PLEKHG7: variants seen among roughly 807,000 people sequenced by gnomAD.
PLEKHG7 encodes pleckstrin homology domain-containing family G member 7.
In PLEKHG7, 77 loss-of-function variants were observed where a neutral mutation model predicts 85.2. The observed-to-expected ratio is 0.90, with a 90% CI of 0.75 to 1.09. The LOEUF (loss-of-function observed/expected upper bound fraction) is 1.09. Among genes scored for constraint, PLEKHG7 ranks in the 50% least tolerant of loss-of-function variants. The pLI is 0.00. For missense variants in PLEKHG7, 777 were observed against 804.3 expected (o/e 0.97, Z 0.41); for synonymous variants, 301 against 302.4 (o/e 1.00, Z 0.05).
At chr12:92,747,524 A>T (rs972929627) in intron 10 of PLEKHG7, among the ~76,000 whole-genome samples, 3 of 152,234 alleles carry the variant, frequency 2.0e-5, no homozygotes, top group Non-Finnish European at 4.4e-5. Flanking sequence ...AACTAAAAAT[A>T]AAACTACCAT....
chr12:92,745,389 A>ACTATGTTGGCCAGGCTGGTCTTGAAATAC, intron 9 of PLEKHG7, 89 bp from the exon 10 acceptor site: 1 of 855,448 alleles, frequency 1.2e-6, no homozygotes, highest in African/African-American at 1.9e-5. Context: ...TGTTCTAGTT[A>ACTATGTTGGCCAGGCTGGTCTTGAAATAC]ATGATAAAAG....
rs550671574 is a variant in PLEKHG7 at position 92,763,810 on chromosome 12, C to A, written c.1717-231C>A. On this transcript the variant is annotated intron_variant, in intron 14 of 16. Transcript: ENST00000344636. ...CTCCAGCCTGGGTGACAGAGTGAGA[C>A]CCTGTCTCAAGAAAAAAAATTTTAT... 4.6e-5 allele frequency among the ~76,000 whole-genome samples: 7 copies of A among 151,902 alleles called. No individual in the cohort carries two copies. In the East Asian group the frequency reaches 1.4e-3, roughly 29 times the overall value.
At position 92,706,622 on chromosome 12, in the gene PLEKHG7, TCTTAG is replaced by T. The variant is rs1871233984; in HGVS notation, c.-6_-2del. 1 of 1,597,638 alleles carries T rather than the reference TCTTAG, an allele frequency of 6.3e-7. No homozygotes were observed. The highest frequency in any genetic ancestry group is 8.5e-7 in the Non-Finnish European group (1 of 1,172,380). ...GGAACCTTCTACCAACAGTAGAACCTCTTAGCTTTATGGAGAAAACAGAGTCATTC... is the reference window on the plus strand; with the variant it reads ...GGAACCTTCTACCAACAGTAGAACCTCTTTATGGAGAAAACAGAGTCATTC... On this transcript the variant is annotated 5_prime_UTR_variant, in exon 2 of 17. Coordinates refer to ENST00000344636, the MANE Select transcript of PLEKHG7 (RefSeq NM_001377329.1).
chr12:92,716,137 C>T (rs1261996709), intron 3 of PLEKHG7, among the ~76,000 whole-genome samples: 1 of 152,010 alleles, frequency 6.6e-6, no homozygotes, highest in Non-Finnish European at 1.5e-5. Context: ...TGCTCTGTCA[C>T]TCAGGCTGGA....
chr12:92,761,509 T>C (rs998058115), intron 13 of PLEKHG7, among the ~76,000 whole-genome samples: 11 of 149,844 alleles, frequency 7.3e-5, no homozygotes, highest in African/African-American at 2.7e-4. Context: ...ACTCACCCAG[T>C]TTTGTTTTCT....
At chr12:92,717,174 T>C (rs974503654) in intron 3 of PLEKHG7, among the ~76,000 whole-genome samples, 2 of 152,220 alleles carry the variant, frequency 1.3e-5, no homozygotes, top group Non-Finnish European at 2.9e-5. Flanking sequence ...TATAAGACTA[T>C]AGACTAACCT....
At chr12:92,729,879 C>T (rs1871933524) in intron 4 of PLEKHG7, among the ~76,000 whole-genome samples, 2 of 152,256 alleles carry the variant, frequency 1.3e-5, no homozygotes, top group Admixed American at 6.5e-5. Flanking sequence ...TCCAAGGCAT[C>T]CCCAGGAGTC....
At chr12:92,754,673 C>T (rs999948160) in intron 11 of PLEKHG7, among the ~76,000 whole-genome samples, 5 of 152,092 alleles carry the variant, frequency 3.3e-5, no homozygotes, top group African/African-American at 4.8e-5. Flanking sequence ...CTTAAATCAC[C>T]GAAAGCCAGG....
rs572964963 is a variant in PLEKHG7 at position 92,703,004 on chromosome 12, C to T, written c.-290C>T. ...GGTTGCTTTCACTCAGCCAGGAGGA[C>T]GCATTGTTACAGGTGTGGAACTTGT... is the stretch of plus-strand genomic sequence containing the variant. On this transcript the variant is annotated 5_prime_UTR_variant, in exon 1 of 17. In the 5' UTR this introduces an upstream ATG that the reference lacks. Coordinates refer to ENST00000344636, the MANE Select transcript of PLEKHG7 (RefSeq NM_001377329.1). The T allele has an allele frequency of 7.9e-5, 12 of 152,312 alleles. No individual in the cohort carries two copies. Among genetic ancestry groups the T allele is most frequent in the African/African-American group, 2.4e-4 (10 of 41,538 alleles). 9.4% of individuals were successfully genotyped at this position (152,312 alleles called of 1,614,324 possible). A position where few individuals can be genotyped will look rare whatever the true frequency, so the allele number is the denominator to read the frequency against.
In PLEKHG7 at chr12:92,740,609, G is replaced by A. The variant is rs576625154; in HGVS notation, c.940-244G>A. On this transcript the variant is annotated intron_variant, in intron 7 of 16. Coordinates refer to ENST00000344636, the MANE Select transcript of PLEKHG7 (RefSeq NM_001377329.1). ...CCATTTGGACAGATTATGTTCAATAGGAATGTTGTTAGAATTCACATAAGC... is the reference window on the plus strand; with the variant it reads ...CCATTTGGACAGATTATGTTCAATAAGAATGTTGTTAGAATTCACATAAGC... 5.9e-5 allele frequency among the ~76,000 whole-genome samples: 9 copies of A among 152,270 alleles called. No homozygotes were observed. The South Asian group carries it at 1.7e-3, about 28-fold the overall frequency.
At chr12:92,770,009 A>G (rs1166855668) in intron 16 of PLEKHG7, 79 bp from the exon 17 acceptor site, 1 of 933,400 alleles carries the variant, frequency 1.1e-6, no homozygotes, top group East Asian at 2.6e-5. Context: ...ATAGCAGAAA[A>G]TATTAGCCCA....
At chr12:92,737,617 G>C (rs1872198318) in intron 7 of PLEKHG7, 96 bp downstream of exon 7, 7 of 1,208,510 alleles carry the variant, frequency 5.8e-6, no homozygotes, top group Non-Finnish European at 8.1e-6. Context: ...AGAAAAGAAA[G>C]AGAGAAAAGA....
chr12:92,740,423 T>C (rs1872317824), intron 7 of PLEKHG7, among the ~76,000 whole-genome samples: 1 of 152,248 alleles, frequency 6.6e-6, no homozygotes, highest in African/African-American at 2.4e-5. Context: ...ACTCATTAAA[T>C]ATCTACTTTT....
intron 13 of PLEKHG7, among the ~76,000 whole-genome samples, chr12:92,760,516 A>G (rs1705868669): frequency 6.6e-6 from 1 of 152,098 alleles, no homozygotes; most frequent in African/African-American, 2.4e-5. Flanking sequence ...AACTTCTAGA[A>G]CAATATATAT....
rs1258636734 is a variant in PLEKHG7 at position 92,755,895 on chromosome 12, G to T, written c.1497G>T (p.Val499=). 5 of 1,613,502 alleles carry T rather than the reference G, an allele frequency of 3.1e-6. No individual in the cohort carries two copies. Among genetic ancestry groups the T allele is most frequent in the Non-Finnish European group, 3.4e-6 (4 of 1,179,788 alleles). Residue 499 remains valine, a synonymous_variant, in exon 12 of 17, where the codon GTG becomes GTT. Coordinates refer to ENST00000344636, the MANE Select transcript of PLEKHG7 (RefSeq NM_001377329.1). ...TTAGATATCTACAGGAGATTATAGTGTGGCCACCGCTTTGGGATAGAGATA... is the reference window on the plus strand; with the variant it reads ...TTAGATATCTACAGGAGATTATAGTTTGGCCACCGCTTTGGGATAGAGATA... The part of the protein sequence containing the change: ...QKFRYLQEII[V]WPPLWDRDKR...
intron 10 of PLEKHG7, 140 bp from the exon 11 acceptor site, chr12:92,753,950 C>T: frequency 1.3e-6 from 1 of 768,802 alleles, no homozygotes; most frequent in South Asian, 2.0e-5. Context: ...TAATTTGTGG[C>T]TTATAAATTG....
intron 9 of PLEKHG7, 70 bp downstream of exon 9, chr12:92,741,662 C>A: frequency 8.6e-7 from 1 of 1,160,966 alleles, no homozygotes; most frequent in South Asian, 1.5e-5. Context: ...GTTGTTTATA[C>A]CCTACTTGAT....
intron 4 of PLEKHG7, among the ~76,000 whole-genome samples, chr12:92,731,263 C>T (rs7972302): frequency 0.036 from 5,456 of 152,210 alleles, 334 homozygotes; most frequent in African/African-American, 0.12. Context: ...AGGGAGAGTC[C>T]ACCTAATCTC....
rs1483607740 is a variant in PLEKHG7, at chr12:92,761,660, AAG to A, written c.1637-90_1637-89del. The A allele has an allele frequency of 1.4e-5, 19 of 1,331,906 alleles. 2 individuals carry two copies. In the South Asian group the frequency reaches 3.2e-4, roughly 22 times the overall value. The allele number at this position is 1,331,906 out of a possible 1,614,324, so 82.5% of individuals were successfully genotyped here. ...AAAGAAAGAAAGAAAGAAAGAAAGA[AAG>A]AAAGAAAGAAAGAAAGAAAGAAAGG... On this transcript the variant is annotated intron_variant, in intron 13 of 16. Transcript: ENST00000344636.
Sources: gnomAD v4.1 joint callset for allele counts (sites outside exome capture counted in the v4.1 genomes callset) on GRCh38, gnomAD v4.1.1 for gene constraint, MANE v1.5 for transcripts, NCBI Gene and HGNC (gene_info 2026-07-23, HGNC 2026-07-21) for gene names.